The following HNRNPF variants were observed in gnomAD, a reference collection of about 807,000 sequenced individuals.
HNRNPF encodes the protein HnRNP F protein.
A neutral mutation model predicts 26.0 loss-of-function variants in HNRNPF; 2 were observed. The ratio of observed to expected loss-of-function variants is 0.08; its 90% CI spans 0.03 to 0.24. HNRNPF has a LOEUF of 0.24. Among genes scored for constraint, HNRNPF ranks in the 10% least tolerant of loss-of-function variants. The pLI is 1.00. For missense variants in HNRNPF, 299 were observed against 539.2 expected (o/e 0.55, Z 4.41); for synonymous variants, 234 against 211.5 (o/e 1.11, Z -0.92).
At chr10:43,406,705 T>A (rs79632225) in intron 1 of HNRNPF, among the ~76,000 whole-genome samples, 1 of 152,000 alleles carries the variant, frequency 6.6e-6, no homozygotes, top group Non-Finnish European at 1.5e-5. Context: ...AAATAATACA[T>A]ATTTTTTTAT....
chr10:43,400,429 T>G (rs1225595910), intron 1 of HNRNPF, among the ~76,000 whole-genome samples: 1 of 152,206 alleles, frequency 6.6e-6, no homozygotes, highest in Non-Finnish European at 1.5e-5. Flanking sequence ...GTTCACCACA[T>G]GAGAAGCACA....
At chr10:43,394,902 T>C (rs1224541697) in intron 2 of HNRNPF, among the ~76,000 whole-genome samples, 1 of 152,154 alleles carries the variant, frequency 6.6e-6, no homozygotes. Flanking sequence ...GGAAACGCCT[T>C]ATTGATCTTG....
chr10:43,392,699 T>C (rs1381167707), intron 3 of HNRNPF, among the ~76,000 whole-genome samples: 3 of 152,224 alleles, frequency 2.0e-5, no homozygotes, highest in Non-Finnish European at 4.4e-5. Context: ...GTTAATTCCT[T>C]AGACAGTCTC....
At chr10:43,403,206 TG>T (rs916290115) in intron 1 of HNRNPF, among the ~76,000 whole-genome samples, 1 of 152,056 alleles carries the variant, frequency 6.6e-6, no homozygotes, top group African/African-American at 2.4e-5. Context: ...TTAGTAGAGA[TG>T]GGGTTTCGCC....
intron 1 of HNRNPF, among the ~76,000 whole-genome samples, chr10:43,403,887 TG>T (rs1294774506): frequency 6.6e-6 from 1 of 151,418 alleles, no homozygotes; most frequent in Non-Finnish European, 1.5e-5. Context: ...CCCAGCTACT[TG>T]GGGGGATGAG....
chr10:43,398,260 G>A (rs1036432333), intron 1 of HNRNPF, among the ~76,000 whole-genome samples: 1 of 151,818 alleles, frequency 6.6e-6, no homozygotes, highest in Non-Finnish European at 1.5e-5. Context: ...TCTTGACCTC[G>A]TGATCCCCCT....
At chr10:43,394,060 A>G (rs983334027) in intron 3 of HNRNPF, among the ~76,000 whole-genome samples, 2 of 152,198 alleles carry the variant, frequency 1.3e-5, no homozygotes, top group Admixed American at 1.3e-4. Flanking sequence ...TAAACCCACA[A>G]TAGGAGCCTA....
intron 1 of HNRNPF, among the ~76,000 whole-genome samples, chr10:43,397,516 G>A (rs1197007594): frequency 1.3e-5 from 2 of 152,250 alleles, no homozygotes; most frequent in African/African-American, 4.8e-5. Flanking sequence ...GGCGGGCAGT[G>A]CAGAGTGGAA....
chr10:43,389,968 C>T (rs2131963952), intron 3 of HNRNPF, among the ~76,000 whole-genome samples: 1 of 152,292 alleles, frequency 6.6e-6, no homozygotes, highest in East Asian at 1.9e-4. Context: ...ATAATCCTAT[C>T]CCCAATTCTC....
At chr10:43,394,270 G>A (rs1838371183) in intron 3 of HNRNPF, among the ~76,000 whole-genome samples, 1 of 152,184 alleles carries the variant, frequency 6.6e-6, no homozygotes, top group Non-Finnish European at 1.5e-5. Context: ...TTTCATAGAA[G>A]AATTACTTAA....
chr10:43,400,899 C>T (rs899026401), intron 1 of HNRNPF, among the ~76,000 whole-genome samples: 7 of 152,186 alleles, frequency 4.6e-5, no homozygotes, highest in South Asian at 2.1e-4. Flanking sequence ...AGGGCTAATA[C>T]GGTGAAACCT....
chr10:43,390,041 C>T (rs1028328554), intron 3 of HNRNPF, among the ~76,000 whole-genome samples: 9 of 152,212 alleles, frequency 5.9e-5, no homozygotes, highest in Non-Finnish European at 1.3e-4. Context: ...AAGTAATGGT[C>T]TCCGCCTCCC....
intron 1 of HNRNPF, among the ~76,000 whole-genome samples, chr10:43,407,187 C>T (rs1425343519): frequency 6.6e-6 from 1 of 151,364 alleles, no homozygotes; most frequent in Non-Finnish European, 1.5e-5. Flanking sequence ...GGCTGTGGCC[C>T]TGACCCCGGC....
At chr10:43,402,834 A>G (rs754718303) in intron 1 of HNRNPF, among the ~76,000 whole-genome samples, 15 of 152,160 alleles carry the variant, frequency 9.9e-5, no homozygotes, top group Admixed American at 2.0e-4. Context: ...CAGGAGGCAT[A>G]CCGTTAGGAT....
chr10:43,407,751 T>TC (rs1414714273), intron 1 of HNRNPF: 2 of 151,810 alleles, frequency 1.3e-5, no homozygotes, highest in East Asian at 3.9e-4. Context: ...GGGACCGCGC[T>TC]CCGAGGACAC....
intron 1 of HNRNPF, among the ~76,000 whole-genome samples, chr10:43,397,570 C>A (rs1052064084): frequency 6.6e-6 from 1 of 152,146 alleles, no homozygotes; most frequent in African/African-American, 2.4e-5. Context: ...GGGAGGCCGC[C>A]TCTAAAATGG....
chr10:43,399,443 G>A (rs981241351), intron 1 of HNRNPF, among the ~76,000 whole-genome samples: 16 of 152,184 alleles, frequency 1.1e-4, no homozygotes, highest in African/African-American at 3.9e-4. Context: ...AGGGAACAAT[G>A]TGTGCAGAAG....
chr10:43,386,180 CA>C lies in HNRNPF; in HGVS notation c.*456del, dbSNP rs1838015816. The C allele has an allele frequency of 6.5e-6, 1 of 153,424 alleles. No homozygotes were observed. Among genetic ancestry groups the C allele is most frequent in the Admixed American group, 6.5e-5 (1 of 15,348 alleles). The allele number at this position is 153,424 out of a possible 1,614,324, so 9.5% of individuals were successfully genotyped here. A position where few individuals can be genotyped will look rare whatever the true frequency, so the allele number is the denominator to read the frequency against. Reference sequence around the variant, plus strand: ...AGTATTAGTATTGTGTCTCAATTCTCAAAACTAACTTTTAAAAAGCTTAAAC... The same window carrying C: ...AGTATTAGTATTGTGTCTCAATTCTCAAACTAACTTTTAAAAAGCTTAAAC... On this transcript the variant is annotated 3_prime_UTR_variant, in exon 4 of 4. Transcript: ENST00000682386.
chr10:43,402,586 G>A (rs951768582), intron 1 of HNRNPF, among the ~76,000 whole-genome samples: 1 of 152,136 alleles, frequency 6.6e-6, no homozygotes, highest in Non-Finnish European at 1.5e-5. Context: ...CTAATACAAC[G>A]TGTTACCAAA....
Sources: gnomAD v4.1 joint callset for allele counts (sites outside exome capture counted in the v4.1 genomes callset) on GRCh38, gnomAD v4.1.1 for gene constraint, MANE v1.5 for transcripts, NCBI Gene and HGNC (gene_info 2026-07-23, HGNC 2026-07-21) for gene names.